KCNK2: variants seen among roughly 807,000 people sequenced by gnomAD.
The protein encoded by KCNK2 is potassium channel subfamily K member 2.
Under a neutral mutation model 40.5 loss-of-function variants are expected in KCNK2, and 21 were observed. That is an observed-to-expected ratio of 0.52 (90% CI 0.37 to 0.75). The LOEUF is 0.75. Ranked by LOEUF, KCNK2 falls within the 30% of genes least tolerant of loss-of-function variation. The pLI is 0.00. For missense variants in KCNK2, 399 were observed against 531.6 expected (o/e 0.75, Z 2.45); for synonymous variants, 191 against 202.2 (o/e 0.94, Z 0.47).
rs1341375659 is a variant in KCNK2, at chr1:215,210,638, TTA to T, written c.963+15557_963+15558del. On this transcript the variant is annotated intron_variant, in intron 6 of 6. Transcript: ENST00000444842. ...TTTACTAGGTATTGGGAATACAGTT[TTA>T]TATATATATAGAGAGAGAGTAGCAT... Among the ~76,000 whole-genome samples, 20 of 151,952 alleles carry T rather than the reference TTA, an allele frequency of 1.3e-4. 1 individual carries two copies. In the South Asian group the frequency reaches 4.2e-3, roughly 32 times the overall value.
At chr1:215,141,305 G>A (rs1294768782) in intron 3 of KCNK2, among the ~76,000 whole-genome samples, 1 of 152,088 alleles carries the variant, frequency 6.6e-6, no homozygotes, top group East Asian at 1.9e-4. Flanking sequence ...CAGGTTTTAT[G>A]TACTGTACAT....
At chr1:215,010,947 T>C (rs2102470291) in intron 1 of KCNK2, among the ~76,000 whole-genome samples, 1 of 147,378 alleles carries the variant, frequency 6.8e-6, no homozygotes, top group East Asian at 2.0e-4. Context: ...TATTAACTAA[T>C]ATATATTATA....
intron 2 of KCNK2, among the ~76,000 whole-genome samples, chr1:215,122,441 CAG>C (rs1661229632): frequency 6.6e-6 from 1 of 152,184 alleles, no homozygotes; most frequent in African/African-American, 2.4e-5. Context: ...AGTTACAACA[CAG>C]AGTTAGATGA....
chr1:215,041,775 G>T (rs185259139), intron 1 of KCNK2, among the ~76,000 whole-genome samples: 1 of 152,146 alleles, frequency 6.6e-6, no homozygotes, highest in Non-Finnish European at 1.5e-5. Flanking sequence ...CTTAAGGAAA[G>T]GGCACAGCCT....
At chr1:215,200,595 C>G (rs1030534409) in intron 6 of KCNK2, among the ~76,000 whole-genome samples, 1 of 152,090 alleles carries the variant, frequency 6.6e-6, no homozygotes, top group Non-Finnish European at 1.5e-5. Context: ...ATGTTAGCAA[C>G]AGTGAGGAAG....
chr1:215,114,511 A>C (rs1660835728), intron 2 of KCNK2, among the ~76,000 whole-genome samples: 1 of 152,142 alleles, frequency 6.6e-6, no homozygotes, highest in Admixed American at 6.6e-5. Context: ...GAGTTCAACC[A>C]ATTCAGTATT....
At chr1:215,082,302 T>C (rs1294679785), upstream of KCNK2, among the ~76,000 whole-genome samples, 12 of 151,918 alleles carry the variant, frequency 7.9e-5, no homozygotes, top group Admixed American at 7.2e-4. Flanking sequence ...CCTCCCCTAC[T>C]CCAGGGCTCT....
intron 1 of KCNK2, among the ~76,000 whole-genome samples, chr1:215,055,017 A>G (rs757529154): frequency 5.3e-5 from 8 of 152,248 alleles, no homozygotes; most frequent in African/African-American, 2.4e-5. Flanking sequence ...TGGTAATTGG[A>G]TCAGATGGAT....
chr1:215,077,169 C>A (rs939101269), intron 1 of KCNK2, among the ~76,000 whole-genome samples: 1 of 152,118 alleles, frequency 6.6e-6, no homozygotes, highest in Non-Finnish European at 1.5e-5. Flanking sequence ...GGTTGAGGCC[C>A]AAGACACACA....
chr1:215,223,571 C>T (rs1388531231), intron 6 of KCNK2, among the ~76,000 whole-genome samples: 2 of 152,012 alleles, frequency 1.3e-5, no homozygotes, highest in Non-Finnish European at 2.9e-5. Context: ...AGGGAAGGCC[C>T]TGAGTCAAAG....
intron 2 of KCNK2, among the ~76,000 whole-genome samples, chr1:215,090,249 C>T (rs527598148): frequency 5.3e-5 from 8 of 152,244 alleles, no homozygotes; most frequent in African/African-American, 9.6e-5. Context: ...CTTAAACCAC[C>T]GTAATAGGTA....
At chr1:215,048,750 T>C (rs556688816) in intron 1 of KCNK2, among the ~76,000 whole-genome samples, 1 of 152,316 alleles carries the variant, frequency 6.6e-6, no homozygotes, top group South Asian at 2.1e-4. Flanking sequence ...TACTAATGCA[T>C]AAAGCTCTGT....
intron 1 of KCNK2, among the ~76,000 whole-genome samples, chr1:215,034,785 C>T (rs956640422): frequency 7.9e-5 from 12 of 151,980 alleles, no homozygotes; most frequent in African/African-American, 2.9e-4. Flanking sequence ...ATTGCTTTAT[C>T]TTTGGACAGA....
chr1:215,143,266 C>T (rs1233431906), intron 3 of KCNK2, among the ~76,000 whole-genome samples: 3 of 151,926 alleles, frequency 2.0e-5, no homozygotes, highest in Non-Finnish European at 2.9e-5. Context: ...TGTTTTGTAT[C>T]CAAGGGAAGG....
intron 6 of KCNK2, among the ~76,000 whole-genome samples, chr1:215,213,821 A>C (rs144287472): frequency 1.8e-4 from 27 of 152,282 alleles, no homozygotes; most frequent in African/African-American, 6.5e-4. Flanking sequence ...TTTATGATGA[A>C]AAGTGTAGAG....
chr1:215,072,297 A>G (rs1297381358), intron 1 of KCNK2, among the ~76,000 whole-genome samples: 2 of 152,236 alleles, frequency 1.3e-5, no homozygotes, highest in Non-Finnish European at 2.9e-5. Flanking sequence ...ACAGTTCCAC[A>G]TGGCTGGGAA....
At chr1:215,030,995 A>G (rs1054411192) in intron 1 of KCNK2, among the ~76,000 whole-genome samples, 4 of 152,100 alleles carry the variant, frequency 2.6e-5, no homozygotes, top group Admixed American at 2.6e-4. Context: ...ATTTGTTGAA[A>G]AGACCTTTTT....
intron 2 of KCNK2, among the ~76,000 whole-genome samples, chr1:215,087,711 TG>T (rs1659507888): frequency 6.6e-6 from 1 of 152,224 alleles, no homozygotes; most frequent in Admixed American, 6.5e-5. Context: ...ATTTCATATT[TG>T]GTTTTACATT....
At chr1:215,030,063 C>T (rs1452042149) in intron 1 of KCNK2, among the ~76,000 whole-genome samples, 2 of 152,198 alleles carry the variant, frequency 1.3e-5, no homozygotes, top group African/African-American at 4.8e-5. Context: ...CACATCCTTG[C>T]CAGCATTTGG....
Sources: gnomAD v4.1 joint callset for allele counts (sites outside exome capture counted in the v4.1 genomes callset) on GRCh38, gnomAD v4.1.1 for gene constraint, MANE v1.5 for transcripts, NCBI Gene and HGNC (gene_info 2026-07-23, HGNC 2026-07-21) for gene names.